TIAM2: variants seen among roughly 807,000 people sequenced by gnomAD.
TIAM2 encodes the protein TIAM Rac1 associated GEF 2, also known as rho guanine nucleotide exchange factor TIAM2.
A neutral mutation model predicts 152.9 loss-of-function variants in TIAM2; 80 were observed. The ratio of observed to expected loss-of-function variants is 0.52; its 90% CI spans 0.44 to 0.63. The LOEUF is 0.63. Among genes scored for constraint, TIAM2 ranks in the 30% least tolerant of loss-of-function variants. The probability of loss-of-function intolerance (pLI) is 0.00; values close to 1 mark genes in which losing one functional copy is unlikely to be tolerated. For missense variants in TIAM2, 1,965 were observed against 2,120.1 expected, an observed-to-expected ratio of 0.93 and a Z score of 1.44; for synonymous variants, 804 against 838.0, an observed-to-expected ratio of 0.96 and a Z score of 0.70.
chr6:155,164,136 T>G (rs980268046), intron 7 of TIAM2, among the ~76,000 whole-genome samples: 1 of 118,688 alleles, frequency 8.4e-6, no homozygotes. Flanking sequence ...TTTTTGTGTT[T>G]TTTTTTTTTC....
intron 16 of TIAM2, among the ~76,000 whole-genome samples, chr6:155,243,405 C>T (rs1242659080): frequency 6.6e-6 from 1 of 152,102 alleles, no homozygotes; most frequent in African/African-American, 2.4e-5. Flanking sequence ...CTGCAGTGGC[C>T]TGAAGAAAGG....
chr6:155,034,618 T>C lies in TIAM2; in HGVS notation c.-209+39126T>C, dbSNP rs1392442198. Among the ~76,000 whole-genome samples, 3 of 152,164 alleles carry C rather than the reference T, an allele frequency of 2.0e-5. No homozygotes were observed. The South Asian group carries it at 6.2e-4, about 32-fold the overall frequency. Reference sequence around the variant, plus strand: ...TAGATGTTTGCTGCCTTCCTGCAACTGAGTGCTTCAGAAGTGAATGAAGTC... The same window carrying C: ...TAGATGTTTGCTGCCTTCCTGCAACCGAGTGCTTCAGAAGTGAATGAAGTC... On this transcript the variant is annotated intron_variant, in intron 1 of 26. Transcript: ENST00000682666.
chr6:155,096,346 T>C (rs1231640504), intron 2 of TIAM2, among the ~76,000 whole-genome samples: 2 of 152,240 alleles, frequency 1.3e-5, no homozygotes, highest in African/African-American at 2.4e-5. Context: ...TGTGTTTTCT[T>C]CATGTTAGAA....
At chr6:155,171,148 G>T (rs576913364) in intron 9 of TIAM2, among the ~76,000 whole-genome samples, 20 of 152,296 alleles carry the variant, frequency 1.3e-4, no homozygotes, top group African/African-American at 4.1e-4. Flanking sequence ...GGGAGGGGCC[G>T]TGTGCATTTT....
rs754939611 is a variant in TIAM2, at chr6:155,130,152, G to T, written c.929G>T (p.Ser310Ile). The T allele has an allele frequency of 9.3e-6, 15 of 1,614,070 alleles. No homozygotes were observed. In the African/African-American group the frequency reaches 1.3e-4, roughly 14 times the overall value. ...RELYKDANLG[S>I]LSPSGIRLSD... ...CTGTACAAAGATGCCAACCTGGGGA[G>T]CCTCTCCCCCTCAGGTATCCGCCTT... Residue 310 changes from serine (S) to isoleucine (I), a missense_variant, in exon 4 of 27, where the codon AGC becomes ATC. Ser to Ile is a moderately radical substitution (Grantham distance 142). Coordinates refer to ENST00000682666, the MANE Select transcript of TIAM2 (RefSeq NM_012454.4).
intron 5 of TIAM2, among the ~76,000 whole-genome samples, chr6:155,143,803 G>A (rs971722097): frequency 4.6e-5 from 7 of 152,000 alleles, no homozygotes; most frequent in African/African-American, 1.5e-4. Context: ...CAAGGAATTC[G>A]ATCTCTCAGT....
At chr6:155,029,395 AC>A (rs1448612943) in intron 1 of TIAM2, among the ~76,000 whole-genome samples, 1 of 65,814 alleles carries the variant, frequency 1.5e-5, no homozygotes, top group African/African-American at 5.1e-5. Context: ...TTATATATAT[AC>A]TATAGTATAT....
chr6:155,239,705 G>A (rs1323201180), intron 15 of TIAM2, among the ~76,000 whole-genome samples: 1 of 152,146 alleles, frequency 6.6e-6, no homozygotes, highest in Non-Finnish European at 1.5e-5. Context: ...TCCCATGACT[G>A]GGAGCGAGTA....
intron 2 of TIAM2, among the ~76,000 whole-genome samples, chr6:155,104,034 A>ACCCC (rs1278008998): frequency 2.1e-5 from 2 of 95,956 alleles, no homozygotes; most frequent in Non-Finnish European, 4.0e-5. Context: ...TACCTCACAC[A>ACCCC]CACACACCCC....
intron 15 of TIAM2, among the ~76,000 whole-genome samples, chr6:155,235,204 T>C (rs1035128761): frequency 1.3e-5 from 2 of 152,238 alleles, no homozygotes; most frequent in Non-Finnish European, 2.9e-5. Context: ...CTGTGCCTTG[T>C]GCACAGCAGC....
rs75911881 is a variant in TIAM2, at chr6:155,227,241, C to A, written c.3169-13289C>A. On this transcript the variant is annotated intron_variant, in intron 15 of 26. Transcript: ENST00000682666. Reference sequence around the variant, plus strand: ...TTCCATTTCCACAACTGTTTCATGGCTGTGAGGTGAAATAAAGACTAGGCA... The same window carrying A: ...TTCCATTTCCACAACTGTTTCATGGATGTGAGGTGAAATAAAGACTAGGCA... Among the ~76,000 whole-genome samples the A allele has an allele frequency of 5.7e-3, 866 of 152,266 alleles. 8 individuals carry two copies. The highest frequency in any genetic ancestry group is 0.02 in the African/African-American group (822 of 41,538).
intron 1 of TIAM2, among the ~76,000 whole-genome samples, chr6:155,006,967 A>G (rs1778412329): frequency 6.6e-6 from 1 of 152,178 alleles, no homozygotes; most frequent in Non-Finnish European, 1.5e-5. Flanking sequence ...TTGGGATTAC[A>G]GGCATGAGCC....
chr6:155,126,553 G>C (rs1207325597), intron 2 of TIAM2, among the ~76,000 whole-genome samples: 2 of 152,102 alleles, frequency 1.3e-5, no homozygotes, highest in Non-Finnish European at 2.9e-5. Flanking sequence ...CCAACATGGA[G>C]AAACCCTGTC....
intron 16 of TIAM2, among the ~76,000 whole-genome samples, chr6:155,242,689 G>T (rs577245825): frequency 1.3e-5 from 2 of 152,268 alleles, no homozygotes; most frequent in African/African-American, 4.8e-5. Context: ...GAATAAAAGA[G>T]AAATCTTTTC....
intron 2 of TIAM2, among the ~76,000 whole-genome samples, chr6:155,100,521 TACCACCACTGCC>T (rs1389549128): frequency 6.6e-6 from 1 of 152,176 alleles, no homozygotes; most frequent in Non-Finnish European, 1.5e-5. Flanking sequence ...CTTTCACATT[TACCACCACTGCC>T]ACCATCACTG....
At chr6:155,051,801 C>T (rs138867740) in intron 1 of TIAM2, among the ~76,000 whole-genome samples, 319 of 152,126 alleles carry the variant, frequency 2.1e-3, no homozygotes, top group African/African-American at 7.1e-3. Flanking sequence ...CACACTACCA[C>T]GCCCAGCTAA....
chr6:155,060,052 G>A (rs747131421), intron 1 of TIAM2, among the ~76,000 whole-genome samples: 7 of 152,122 alleles, frequency 4.6e-5, no homozygotes, highest in Admixed American at 3.3e-4. Context: ...ATTAGACTGC[G>A]GCAATTATGG....
chr6:155,021,354 C>T (rs1284781363), intron 1 of TIAM2, among the ~76,000 whole-genome samples: 1 of 152,120 alleles, frequency 6.6e-6, no homozygotes, highest in Middle Eastern at 3.4e-3. Flanking sequence ...CTCTGCCTCC[C>T]GGGTTAAATC....
At chr6:155,211,530 G>A (rs983140364) in intron 15 of TIAM2, among the ~76,000 whole-genome samples, 1 of 152,138 alleles carries the variant, frequency 6.6e-6, no homozygotes, top group African/African-American at 2.4e-5. Flanking sequence ...ACTCCTCCAT[G>A]ACTTCTGGTA....
Sources: gnomAD v4.1 joint callset for allele counts (sites outside exome capture counted in the v4.1 genomes callset) on GRCh38, gnomAD v4.1.1 for gene constraint, MANE v1.5 for transcripts, NCBI Gene and HGNC (gene_info 2026-07-23, HGNC 2026-07-21) for gene names.